ASB18: variants seen among roughly 807,000 people sequenced by gnomAD.
ASB18 encodes ankyrin repeat and SOCS box containing 18.
In ASB18, 33 loss-of-function variants were observed where a neutral mutation model predicts 33.4. The ratio of observed to expected loss-of-function variants is 0.99; its 90% CI spans 0.75 to 1.32. ASB18 has a LOEUF of 1.32. Ranked by LOEUF, ASB18 falls within the 40% of genes most tolerant of loss-of-function variation. The pLI is 0.00. For missense variants in ASB18, 694 were observed against 655.5 expected (o/e 1.06, Z -0.64); for synonymous variants, 295 against 307.6 (o/e 0.96, Z 0.43).
Position 236,253,997 on chromosome 2 carries a change from A to G in ASB18, c.205+10144T>C, listed in dbSNP as rs932129103. On this transcript the variant is annotated intron_variant, in intron 1 of 5. Transcript: ENST00000409749. The surrounding 1 kb of genome is among the most constrained non-coding windows in gnomAD (Gnocchi z 5.4). ...CCTTTGGATGCCTGTTATAAAATTTAAACTGTGTTTTGGTGACAGGAGTCA... is the reference window on the plus strand; with the variant it reads ...CCTTTGGATGCCTGTTATAAAATTTGAACTGTGTTTTGGTGACAGGAGTCA... 6.6e-6 allele frequency: 1 copy of G among 152,046 alleles called. No individual in the cohort carries two copies. 9.4% of individuals were successfully genotyped at this position (152,046 alleles called of 1,614,324 possible).
In ASB18 at chr2:236,200,894, T is replaced by C. The variant is rs2060397663; in HGVS notation, c.1102-4509A>G. 6.6e-6 allele frequency among the ~76,000 whole-genome samples: 1 copy of C among 152,362 alleles called. No individual in the cohort carries two copies. The highest frequency in any genetic ancestry group is 1.5e-5 in the Non-Finnish European group (1 of 68,036). On this transcript the variant is annotated intron_variant, in intron 4 of 5. Coordinates refer to ENST00000409749, the MANE Select transcript of ASB18 (RefSeq NM_212556.4). This position sits in a 1 kb window ranked among gnomAD's most constrained non-coding sequence, Gnocchi z 4.2. ...TGATCAGTTCTCTTTTAAAATATTATAACCCATTAATTTTTGCCTTTATCA... is the reference window on the plus strand; with the variant it reads ...TGATCAGTTCTCTTTTAAAATATTACAACCCATTAATTTTTGCCTTTATCA...
intron 4 of ASB18, among the ~76,000 whole-genome samples, chr2:236,199,989 G>A (rs2106262699): frequency 6.6e-6 from 1 of 152,002 alleles, no homozygotes; most frequent in Admixed American, 6.6e-5. Flanking sequence ...ATATTTTCCT[G>A]GAAAATAATC....
At position 236,203,352 on chromosome 2, in the gene ASB18, T is replaced by C. The variant is rs12468256; in HGVS notation, c.1102-6967A>G. On this transcript the variant is annotated intron_variant, in intron 4 of 5. Coordinates refer to ENST00000409749, the MANE Select transcript of ASB18 (RefSeq NM_212556.4). The surrounding 1 kb of genome is among the most constrained non-coding windows in gnomAD (Gnocchi z 6.0). ...ATGGAGAGTTCTGGGGACAAGAGTGTTCTAGGCAGAGAAAACGTATTATGC... is the reference window on the plus strand; with the variant it reads ...ATGGAGAGTTCTGGGGACAAGAGTGCTCTAGGCAGAGAAAACGTATTATGC... Among the ~76,000 whole-genome samples, 26,129 of 151,988 alleles carry C rather than the reference T, an allele frequency of 0.17. 2,270 individuals are homozygous for C. Among genetic ancestry groups the C allele is most frequent in the South Asian group, 0.25 (1,194 of 4,808 alleles).
rs1010251606 is a variant in ASB18 at position 236,256,763 on chromosome 2, G to C, written c.205+7378C>G. The stretch of plus-strand genomic sequence containing the variant: ...CACAGGCAGTGACAGTTCATACTTG[G>C]GGGGAGCTGAGACGCGACCCTGTAG... On this transcript the variant is annotated intron_variant, in intron 1 of 5. Coordinates refer to ENST00000409749, the MANE Select transcript of ASB18 (RefSeq NM_212556.4). This position sits in a 1 kb window ranked among gnomAD's most constrained non-coding sequence, Gnocchi z 4.7. Among the ~76,000 whole-genome samples, 7 of 152,116 alleles carry C rather than the reference G, an allele frequency of 4.6e-5. No homozygotes were observed. Among genetic ancestry groups the C allele is most frequent in the African/African-American group, 7.2e-5 (3 of 41,416 alleles).
At position 236,253,350 on chromosome 2, in the gene ASB18, T is replaced by C. The variant is rs1418595215; in HGVS notation, c.205+10791A>G. On this transcript the variant is annotated intron_variant, in intron 1 of 5. Coordinates refer to ENST00000409749, the MANE Select transcript of ASB18 (RefSeq NM_212556.4). This position sits in a 1 kb window ranked among gnomAD's most constrained non-coding sequence, Gnocchi z 5.4. ...CTGAGTCTAATTTGTTGCAGTTTGA[T>C]TCTCATTCAAGGGGCTCAGTCTTTA... 6.6e-6 allele frequency among the ~76,000 whole-genome samples: 1 copy of C among 152,160 alleles called. No individual in the cohort carries two copies. Among genetic ancestry groups the C allele is most frequent in the African/African-American group, 2.4e-5 (1 of 41,440 alleles).
chr2:236,218,564 C>G (rs28735428), intron 3 of ASB18, among the ~76,000 whole-genome samples: 22,744 of 151,988 alleles, frequency 0.15, 1,837 homozygotes, highest in Middle Eastern at 0.22. Flanking sequence ...TTTGGGAGGC[C>G]AAGGCCGGCG....
At chr2:236,233,531 T>G (rs1364594574) in intron 3 of ASB18, among the ~76,000 whole-genome samples, 5 of 152,158 alleles carry the variant, frequency 3.3e-5, no homozygotes. Flanking sequence ...CAAGAAATCC[T>G]ATGGAATTCT....
In ASB18 at chr2:236,217,012, C is replaced by A. The variant is rs1433035025; in HGVS notation, c.597-2146G>T. ...GGCCCACACAGTCCCATCTTTCCTTCCTCTTGGAAGCCTTCCTGTGCCACC... is the reference window on the plus strand; with the variant it reads ...GGCCCACACAGTCCCATCTTTCCTTACTCTTGGAAGCCTTCCTGTGCCACC... On this transcript the variant is annotated intron_variant, in intron 3 of 5. Transcript: ENST00000409749. The surrounding 1 kb of genome is among the most constrained non-coding windows in gnomAD (Gnocchi z 5.2). Among the ~76,000 whole-genome samples the A allele has an allele frequency of 6.6e-6, 1 of 152,210 alleles. No homozygotes were observed. The highest frequency in any genetic ancestry group is 1.5e-5 in the Non-Finnish European group (1 of 68,042).
At position 236,221,278 on chromosome 2, in the gene ASB18, G is replaced by A. The variant is rs963488385; in HGVS notation, c.597-6412C>T. 5.3e-5 allele frequency among the ~76,000 whole-genome samples: 8 copies of A among 152,148 alleles called. No individual in the cohort carries two copies. Among genetic ancestry groups the A allele is most frequent in the African/African-American group, 1.9e-4 (8 of 41,424 alleles). Reference sequence around the variant, plus strand: ...CTGCTAAAAATAAGGCTGCATTCAAGACTCAAACGTCACCTTTTGTGTGTG... The same window carrying A: ...CTGCTAAAAATAAGGCTGCATTCAAAACTCAAACGTCACCTTTTGTGTGTG... On this transcript the variant is annotated intron_variant, in intron 3 of 5. Coordinates refer to ENST00000409749, the MANE Select transcript of ASB18 (RefSeq NM_212556.4). This position sits in a 1 kb window ranked among gnomAD's most constrained non-coding sequence, Gnocchi z 5.6.
rs574936196 is a variant in ASB18 at position 236,215,020 on chromosome 2, GAAAA to G, written c.597-158_597-155del. Among the ~76,000 whole-genome samples, 2 of 120,090 alleles carry G rather than the reference GAAAA, an allele frequency of 1.7e-5. No individual in the cohort carries two copies. The highest frequency in any genetic ancestry group is 8.8e-5 in the Admixed American group (1 of 11,372). 78.8% of individuals were successfully genotyped at this position (120,090 alleles called of 152,430 possible). A position where few individuals can be genotyped will look rare whatever the true frequency, so the allele number is the denominator to read the frequency against. On this transcript the variant is annotated intron_variant, in intron 3 of 5. Transcript: ENST00000409749. The surrounding 1 kb of genome is among the most constrained non-coding windows in gnomAD (Gnocchi z 7.2). ...GGCGTCAGGAGTTCAAACTAAACTG[GAAAA>G]AAAAAAAAAAAAAAAGAGATTATGG...
chr2:236,214,000 T>C lies in ASB18; in HGVS notation c.1101+362A>G, dbSNP rs1384994658. 1.8e-5 allele frequency: 4 copies of C among 222,828 alleles called. No individual in the cohort carries two copies. The highest frequency in any genetic ancestry group is 2.6e-5 in the Non-Finnish European group (3 of 113,836). 13.8% of individuals were successfully genotyped at this position (222,828 alleles called of 1,614,324 possible). ...ACTGATGATGAGCTGCCAAAATATT[T>C]TGAGCTCTGACTGCATCATCGAAAT... is the stretch of plus-strand genomic sequence containing the variant. On this transcript the variant is annotated intron_variant, in intron 4 of 5. Coordinates refer to ENST00000409749, the MANE Select transcript of ASB18 (RefSeq NM_212556.4). The surrounding 1 kb of genome is among the most constrained non-coding windows in gnomAD (Gnocchi z 4.8).
At position 236,263,782 on chromosome 2, in the gene ASB18, T is replaced by G. The variant is rs187848601; in HGVS notation, c.205+359A>C. On this transcript the variant is annotated intron_variant, in intron 1 of 5. Coordinates refer to ENST00000409749, the MANE Select transcript of ASB18 (RefSeq NM_212556.4). This position sits in a 1 kb window ranked among gnomAD's most constrained non-coding sequence, Gnocchi z 4.0. ...ACTATGTAGCAACATGGAAAATGCTTTAGATTTAGATTTTGTAGATCTCAA... is the reference window on the plus strand; with the variant it reads ...ACTATGTAGCAACATGGAAAATGCTGTAGATTTAGATTTTGTAGATCTCAA... Among the ~76,000 whole-genome samples the G allele has an allele frequency of 6.6e-6, 1 of 152,274 alleles. No homozygotes were observed. Among genetic ancestry groups the G allele is most frequent in the East Asian group, 1.9e-4 (1 of 5,182 alleles).
chr2:236,203,457 G>A lies in ASB18; in HGVS notation c.1102-7072C>T, dbSNP rs1231162610. ...ATGGGGAGTGCTCGGAAATGAAACA[G>A]GAGAGGAAAGCAGGGAAGACCATGG... On this transcript the variant is annotated intron_variant, in intron 4 of 5. Transcript: ENST00000409749. This position sits in a 1 kb window ranked among gnomAD's most constrained non-coding sequence, Gnocchi z 6.0. Among the ~76,000 whole-genome samples the A allele has an allele frequency of 6.6e-6, 1 of 152,202 alleles. No individual in the cohort carries two copies. Among genetic ancestry groups the A allele is most frequent in the Non-Finnish European group, 1.5e-5 (1 of 68,022 alleles).
In ASB18 at chr2:236,196,185, G is replaced by A. The variant is rs60628061; in HGVS notation, c.1215+87C>T. 3.6e-3 allele frequency: 2,682 copies of A among 742,428 alleles called. 52 individuals carry two copies. In the African/African-American group the frequency reaches 0.039, roughly 11 times the overall value. The allele number at this position is 742,428 out of a possible 1,614,324, so 46.0% of individuals were successfully genotyped here. A position where few individuals can be genotyped will look rare whatever the true frequency, so the allele number is the denominator to read the frequency against. ...TTTTTCAGATGTATAATACTTAGCC[G>A]AATATCAGTGCAAAACTCCCCATGC... On this transcript the variant is annotated intron_variant, in intron 5 of 5. Coordinates refer to ENST00000409749, the MANE Select transcript of ASB18 (RefSeq NM_212556.4). This position sits in a 1 kb window ranked among gnomAD's most constrained non-coding sequence, Gnocchi z 5.6.
chr2:236,236,227 C>G (rs1384664248), intron 3 of ASB18, among the ~76,000 whole-genome samples: 2 of 152,314 alleles, frequency 1.3e-5, no homozygotes, highest in South Asian at 4.1e-4. Context: ...ACTACGGACA[C>G]ACACAGCAAC....
chr2:236,203,407 A>G lies in ASB18; in HGVS notation c.1102-7022T>C, dbSNP rs1444147424. Among the ~76,000 whole-genome samples, 1 of 152,158 alleles carries G rather than the reference A, an allele frequency of 6.6e-6. No homozygotes were observed. ...TTTGGGAGGTGAGAAGGAGCAAATA[A>G]TGTTGGCTGGGGCATGAGTCTGACA... On this transcript the variant is annotated intron_variant, in intron 4 of 5. Transcript: ENST00000409749. This position sits in a 1 kb window ranked among gnomAD's most constrained non-coding sequence, Gnocchi z 6.0.
At position 236,214,559 on chromosome 2, in the gene ASB18, C is replaced by G; in HGVS notation, c.904G>C (p.Gly302Arg). 1 of 1,391,922 alleles carries G rather than the reference C, an allele frequency of 7.2e-7. No homozygotes were observed. The highest frequency in any genetic ancestry group is 9.2e-7 in the Non-Finnish European group (1 of 1,085,640). The allele number at this position is 1,391,922 out of a possible 1,614,324, so 86.2% of individuals were successfully genotyped here. A position where few individuals can be genotyped will look rare whatever the true frequency, so the allele number is the denominator to read the frequency against. The stretch of plus-strand genomic sequence containing the variant: ...CGCGCCAGGCTGTGGCTCGCGTGGC[C>G]GCAGGCTTTGTGCAGCGGGCTGCGC... ...DERSPLHKAC[G>R]HASHSLARLL... Residue 302 changes from glycine (G) to arginine (R), a missense_variant, in exon 4 of 6, where the codon GGC (glycine) becomes CGC (arginine). By Grantham distance (125) the Gly-to-Arg change is moderately radical. Transcript: ENST00000409749. The surrounding 1 kb of genome is among the most constrained non-coding windows in gnomAD (Gnocchi z 6.5).
At chr2:236,202,879 C>T (rs2060412260) in intron 4 of ASB18, among the ~76,000 whole-genome samples, 1 of 150,410 alleles carries the variant, frequency 6.6e-6, no homozygotes, top group Non-Finnish European at 1.5e-5. Context: ...TGCCATCATC[C>T]TTTCTCTTAC....
In ASB18 at chr2:236,231,032, A is replaced by T. The variant is rs1840138; in HGVS notation, c.596+6657T>A. Reference sequence around the variant, plus strand: ...ATGAAAGGATGGTATGGTAGGCAGTATCTAGCATGGTCCCCCACTGAAGTC... The same window carrying T: ...ATGAAAGGATGGTATGGTAGGCAGTTTCTAGCATGGTCCCCCACTGAAGTC... On this transcript the variant is annotated intron_variant, in intron 3 of 5. Coordinates refer to ENST00000409749, the MANE Select transcript of ASB18 (RefSeq NM_212556.4). The surrounding 1 kb of genome is among the most constrained non-coding windows in gnomAD (Gnocchi z 5.5). 6.6e-6 allele frequency among the ~76,000 whole-genome samples: 1 copy of T among 151,924 alleles called. No homozygotes were observed. Among genetic ancestry groups the T allele is most frequent in the African/African-American group, 2.4e-5 (1 of 41,336 alleles).
Sources: allele counts gnomAD v4.1 joint callset (sites outside exome capture counted in the v4.1 genomes callset), GRCh38; gene constraint gnomAD v4.1.1; non-coding constraint Gnocchi (gnomAD v3.1); transcripts MANE v1.5; gene names NCBI Gene and HGNC (gene_info 2026-07-23, HGNC 2026-07-21).